The following SHISA9 variants were observed in gnomAD, a reference collection of about 807,000 sequenced individuals.
SHISA9 encodes the protein shisa family member 9.
A neutral mutation model predicts 38.0 loss-of-function variants in SHISA9; 13 were observed. The ratio of observed to expected loss-of-function variants is 0.34; its 90% CI spans 0.22 to 0.54. The LOEUF (loss-of-function observed/expected upper bound fraction) is 0.54. Ranked by LOEUF, SHISA9 falls within the 20% of genes least tolerant of loss-of-function variation. The pLI is 0.91. For synonymous variants in SHISA9, 275 were observed against 242.0 expected (o/e 1.14, Z -1.27); for missense variants, 538 against 575.8 (o/e 0.93, Z 0.67).
intron 2 of SHISA9, among the ~76,000 whole-genome samples, chr16:13,067,970 C>T (rs2073454146): frequency 6.6e-6 from 1 of 152,240 alleles, no homozygotes; most frequent in South Asian, 2.1e-4. Context: ...ACTGATGTCA[C>T]CTTTTTAATT....
the SHISA9 span, among the ~76,000 whole-genome samples, chr16:13,484,897 C>G: frequency 6.6e-6 from 1 of 152,182 alleles, no homozygotes. Flanking sequence ...CCAGGTTTCT[C>G]CTCCAACACT....
rs2051179525 is a variant in SHISA9, at chr16:13,217,295, A to AAATT, written c.895+4006_895+4009dup. Among the ~76,000 whole-genome samples the AAATT allele has an allele frequency of 4.7e-5, 7 of 150,056 alleles. No individual in the cohort carries two copies. In the South Asian group the frequency reaches 6.4e-4, roughly 14 times the overall value. On this transcript the variant is annotated intron_variant, in intron 4 of 4. Coordinates refer to ENST00000558583, the MANE Select transcript of SHISA9 (RefSeq NM_001145204.3). ...TCCGTCTCAAAATAAATAAATAAAT[A>AAATT]AATTAATTAATTAAAATAAAATCCA...
the SHISA9 span, among the ~76,000 whole-genome samples, chr16:13,369,773 C>T: frequency 2.6e-5 from 4 of 151,992 alleles, no homozygotes; most frequent in African/African-American, 7.3e-5. Flanking sequence ...AGAAGAATGT[C>T]AAAGAATGAC....
the SHISA9 span, among the ~76,000 whole-genome samples, chr16:13,501,912 G>C: frequency 6.6e-6 from 1 of 151,760 alleles, no homozygotes; most frequent in Non-Finnish European, 1.5e-5. Flanking sequence ...TGAGGCAGGA[G>C]AATCACTTGA....
the SHISA9 span, among the ~76,000 whole-genome samples, chr16:13,288,749 C>T: frequency 6.6e-6 from 1 of 152,164 alleles, no homozygotes; most frequent in African/African-American, 2.4e-5. Context: ...CGAGATCACA[C>T]CACTGCACTC....
chr16:13,184,548 C>A (rs2050804323), intron 2 of SHISA9, among the ~76,000 whole-genome samples: 4 of 152,192 alleles, frequency 2.6e-5, no homozygotes. Context: ...GCGTAGAGTG[C>A]TGTAACTACC....
At chr16:13,059,044 A>G (rs909686427) in intron 2 of SHISA9, among the ~76,000 whole-genome samples, 1 of 150,808 alleles carries the variant, frequency 6.6e-6, no homozygotes, top group Non-Finnish European at 1.5e-5. Context: ...CCCAACTCCT[A>G]TGTTAAAGCC....
the SHISA9 span, among the ~76,000 whole-genome samples, chr16:13,346,929 G>A: frequency 6.6e-6 from 1 of 152,086 alleles, no homozygotes; most frequent in Non-Finnish European, 1.5e-5. Flanking sequence ...ATCCCAACCT[G>A]TTTCCTACTT....
At chr16:12,922,454 C>G (rs1457800104) in intron 2 of SHISA9, among the ~76,000 whole-genome samples, 1 of 152,266 alleles carries the variant, frequency 6.6e-6, no homozygotes, top group Non-Finnish European at 1.5e-5. Context: ...CAGTGGCTAT[C>G]TCATTAGAGA....
intron 2 of SHISA9, among the ~76,000 whole-genome samples, chr16:13,067,206 G>C (rs2073445767): frequency 6.6e-6 from 1 of 152,194 alleles, no homozygotes; most frequent in Admixed American, 6.5e-5. Flanking sequence ...CTGGGTGTGG[G>C]ATCTGGTCCT....
the SHISA9 span, among the ~76,000 whole-genome samples, chr16:13,334,808 A>G: frequency 0.022 from 3,388 of 151,684 alleles, 121 homozygotes; most frequent in African/African-American, 0.077. Flanking sequence ...ATGAACTAAT[A>G]TAAATTCTTA....
chr16:13,023,454 A>C (rs372477453), intron 2 of SHISA9, among the ~76,000 whole-genome samples: 3 of 152,142 alleles, frequency 2.0e-5, no homozygotes, highest in East Asian at 1.9e-4. Flanking sequence ...AGTCTTTGCT[A>C]TTGTGAATAG....
intron 2 of SHISA9, among the ~76,000 whole-genome samples, chr16:13,022,077 A>C (rs185499477): frequency 9.3e-4 from 142 of 152,252 alleles, no homozygotes; most frequent in African/African-American, 3.3e-3. Context: ...TTGTGGGTGC[A>C]TAATTCCATT....
the SHISA9 span, among the ~76,000 whole-genome samples, chr16:13,320,543 A>C: frequency 6.6e-6 from 1 of 152,134 alleles, no homozygotes; most frequent in African/African-American, 2.4e-5. Context: ...CACATAAAGG[A>C]AAGGTGCTGT....
chr16:13,250,519 C>T, the SHISA9 span, among the ~76,000 whole-genome samples: 1 of 152,142 alleles, frequency 6.6e-6, no homozygotes, highest in African/African-American at 2.4e-5. Context: ...TTCCCTTATC[C>T]ATATGATATA....
At chr16:13,116,341 C>T (rs1327526450) in intron 2 of SHISA9, among the ~76,000 whole-genome samples, 2 of 152,230 alleles carry the variant, frequency 1.3e-5, no homozygotes, top group Admixed American at 6.5e-5. Context: ...AAGTGTTCCT[C>T]GGAAATAAAT....
chr16:12,959,115 C>T (rs1177670045), intron 2 of SHISA9, among the ~76,000 whole-genome samples: 3 of 152,164 alleles, frequency 2.0e-5, no homozygotes, highest in East Asian at 1.9e-4. Context: ...GTGACATGAC[C>T]TGATTTGTGT....
chr16:13,057,881 T>TA (rs1440416064), intron 2 of SHISA9, among the ~76,000 whole-genome samples: 2 of 152,204 alleles, frequency 1.3e-5, no homozygotes, highest in African/African-American at 4.8e-5. Flanking sequence ...AGCTCCCACT[T>TA]ATGAATGAGA....
chr16:13,336,171 C>T, the SHISA9 span, among the ~76,000 whole-genome samples: 2 of 152,162 alleles, frequency 1.3e-5, no homozygotes. Flanking sequence ...CAGGAGCAAG[C>T]AGGCATGTCA....
Sources: gnomAD v4.1 joint callset for allele counts (sites outside exome capture counted in the v4.1 genomes callset) on GRCh38, gnomAD v4.1.1 for gene constraint, MANE v1.5 for transcripts, NCBI Gene and HGNC (gene_info 2026-07-23, HGNC 2026-07-21) for gene names.